RABGAP1: variants seen among roughly 807,000 people sequenced by gnomAD.
RABGAP1 encodes rab GTPase-activating protein 1.
A neutral mutation model predicts 137.6 loss-of-function variants in RABGAP1; 23 were observed. The observed-to-expected ratio is 0.17, with a 90% CI of 0.12 to 0.24. The LOEUF (loss-of-function observed/expected upper bound fraction) is 0.24. Ranked by LOEUF, RABGAP1 falls within the 10% of genes least tolerant of loss-of-function variation. The pLI is 1.00. For missense variants in RABGAP1, 906 were observed against 1,275.8 expected, an observed-to-expected ratio of 0.71 and a Z score of 4.42; for synonymous variants, 451 against 450.7, an observed-to-expected ratio of 1.00 and a Z score of -0.01.
At chr9:122,951,573 A>ATT (rs879503107) in intron 1 of RABGAP1, among the ~76,000 whole-genome samples, 1 of 144,106 alleles carries the variant, frequency 6.9e-6, no homozygotes, top group African/African-American at 2.5e-5. Context: ...ATGAATGTGA[A>ATT]TTTTTTTTTT....
At chr9:123,047,491 G>A (rs116225687) in intron 13 of RABGAP1, among the ~76,000 whole-genome samples, 1 of 152,214 alleles carries the variant, frequency 6.6e-6, no homozygotes, top group African/African-American at 2.4e-5. Flanking sequence ...CTTTGCTTGG[G>A]ATTATTTCCT....
intron 2 of RABGAP1, chr9:122,971,997 C>T (rs1835496219): frequency 6.6e-6 from 1 of 152,062 alleles, no homozygotes; most frequent in Non-Finnish European, 1.5e-5. Context: ...AACATCATAG[C>T]CAGAGAGAAA....
At chr9:122,943,093 T>A (rs1201497728) in intron 1 of RABGAP1, among the ~76,000 whole-genome samples, 14 of 105,812 alleles carry the variant, frequency 1.3e-4, no homozygotes, top group Admixed American at 1.2e-3. Flanking sequence ...TTTTTTTTTT[T>A]TTTTTTTTGA....
intron 21 of RABGAP1, among the ~76,000 whole-genome samples, chr9:123,091,493 A>C (rs2035031305): frequency 6.6e-6 from 1 of 152,228 alleles, no homozygotes; most frequent in South Asian, 2.1e-4. Flanking sequence ...CAGAAAATGT[A>C]GGATGGACCT....
chr9:122,995,222 TA>T (rs1411037365), intron 6 of RABGAP1, among the ~76,000 whole-genome samples: 1 of 152,240 alleles, frequency 6.6e-6, no homozygotes, highest in Admixed American at 6.5e-5. Flanking sequence ...ATAATAAAGT[TA>T]ACAGTGCTTA....
chr9:122,984,814 C>A, intron 3 of RABGAP1, 95 bp downstream of exon 3: 1 of 1,138,324 alleles, frequency 8.8e-7, no homozygotes, highest in Non-Finnish European at 1.2e-6. Context: ...ACAGGCAAAA[C>A]CATTGTCTAC....
At chr9:122,963,979 G>C (rs1834991878) in intron 2 of RABGAP1, among the ~76,000 whole-genome samples, 1 of 152,082 alleles carries the variant, frequency 6.6e-6, no homozygotes, top group Admixed American at 6.5e-5. Context: ...CCATAAATAG[G>C]TAATTTAGAT....
At chr9:123,050,166 C>CT (rs1167976118) in intron 13 of RABGAP1, among the ~76,000 whole-genome samples, 1 of 152,186 alleles carries the variant, frequency 6.6e-6, no homozygotes, top group African/African-American at 2.4e-5. Flanking sequence ...TCATGGGTAT[C>CT]TAATTCCAGT....
At chr9:122,941,278 A>C (rs1377707055) in intron 1 of RABGAP1, among the ~76,000 whole-genome samples, 185 bp downstream of exon 1, 1 of 152,118 alleles carries the variant, frequency 6.6e-6, no homozygotes, top group East Asian at 1.9e-4. Context: ...GGGAGGGGGA[A>C]CTGCGACGGA....
chr9:123,030,536 AT>A (rs1053949929), intron 13 of RABGAP1, among the ~76,000 whole-genome samples: 2 of 152,222 alleles, frequency 1.3e-5, no homozygotes, highest in South Asian at 4.2e-4. Flanking sequence ...GCATTATTTT[AT>A]TTTTTATTGT....
intron 13 of RABGAP1, chr9:123,035,040 C>A (rs779951463): frequency 9.3e-6 from 15 of 1,613,880 alleles, no homozygotes; most frequent in Non-Finnish European, 1.3e-5. Flanking sequence ...TATACTCGAC[C>A]CTGGTCTTCC....
intron 2 of RABGAP1, among the ~76,000 whole-genome samples, chr9:122,962,079 G>C (rs963708102): frequency 1.3e-5 from 2 of 152,084 alleles, no homozygotes; most frequent in African/African-American, 4.8e-5. Context: ...AACATTTATA[G>C]ATATAATGTG....
chr9:122,981,259 C>T (rs1165178064), intron 2 of RABGAP1, among the ~76,000 whole-genome samples: 1 of 152,090 alleles, frequency 6.6e-6, no homozygotes, highest in African/African-American at 2.4e-5. Flanking sequence ...CTCCTGGCTT[C>T]AAGTAATCTG....
In RABGAP1 at chr9:122,996,602, T is replaced by C; in HGVS notation, c.1098T>C (p.Asp366=). ...DVRNSDMHLL[D]LESMGKSSDG... ...GAAATAGTGACATGCACTTATTAGATTTGGTAAGAATTTATTTTTATTAGA... is the reference window on the plus strand; with the variant it reads ...GAAATAGTGACATGCACTTATTAGACTTGGTAAGAATTTATTTTTATTAGA... Residue 366 remains aspartate, a synonymous_variant, in exon 8 of 26, where the codon GAT becomes GAC. Transcript: ENST00000373647. 6.3e-7 allele frequency: 1 copy of C among 1,599,464 alleles called. No individual in the cohort carries two copies. The highest frequency in any genetic ancestry group is 8.5e-7 in the Non-Finnish European group (1 of 1,169,858).
intron 10 of RABGAP1, among the ~76,000 whole-genome samples, chr9:123,009,869 G>T (rs2030644191): frequency 6.6e-6 from 1 of 152,232 alleles, no homozygotes; most frequent in Non-Finnish European, 1.5e-5. Flanking sequence ...AAGGAGTGGG[G>T]ATAAAACACT....
intron 2 of RABGAP1, among the ~76,000 whole-genome samples, chr9:122,970,679 A>G (rs1564368637): frequency 6.6e-6 from 1 of 152,160 alleles, no homozygotes; most frequent in Non-Finnish European, 1.5e-5. Flanking sequence ...TGTGTACCCA[A>G]TGGAAAACAT....
At chr9:123,053,417 C>T (rs1449221276) in intron 13 of RABGAP1, among the ~76,000 whole-genome samples, 3 of 152,128 alleles carry the variant, frequency 2.0e-5, no homozygotes, top group African/African-American at 7.2e-5. Flanking sequence ...AGAGATTTTT[C>T]ATCCTCATTT....
chr9:123,024,101 A>G (rs1379180554), intron 13 of RABGAP1, among the ~76,000 whole-genome samples: 2 of 152,236 alleles, frequency 1.3e-5, no homozygotes, highest in Non-Finnish European at 2.9e-5. Context: ...AACATAAAAT[A>G]CATAGTATGC....
intron 13 of RABGAP1, among the ~76,000 whole-genome samples, chr9:123,028,880 G>A (rs973653697): frequency 2.6e-5 from 4 of 152,148 alleles, no homozygotes; most frequent in African/African-American, 9.7e-5. Flanking sequence ...AATAATAGTT[G>A]TAGAGTTGTT....
Sources: gnomAD v4.1 joint callset for allele counts (sites outside exome capture counted in the v4.1 genomes callset) on GRCh38, gnomAD v4.1.1 for gene constraint, MANE v1.5 for transcripts, NCBI Gene and HGNC (gene_info 2026-07-23, HGNC 2026-07-21) for gene names.